Variants in TP73 observed in about 807,000 individuals in gnomAD.
TP73 encodes the protein p53-like transcription factor.
A neutral mutation model predicts 62.5 loss-of-function variants in TP73; 25 were observed. The observed-to-expected ratio is 0.40, with a 90% confidence interval of 0.29 to 0.56. The LOEUF (loss-of-function observed/expected upper bound fraction) is 0.56. TP73 is among the 20% of genes least tolerant of loss of function. The pLI, the probability that TP73 is intolerant of heterozygous loss-of-function variation, is 0.46. For synonymous variants in TP73, 423 were observed against 377.5 expected (o/e 1.12, Z -1.40); for missense variants, 754 against 913.3 (o/e 0.83, Z 2.25).
At chr1:3,705,301 C>T (rs1639533984) in intron 3 of TP73, among the ~76,000 whole-genome samples, 1 of 152,242 alleles carries the variant, frequency 6.6e-6, no homozygotes, top group Non-Finnish European at 1.5e-5. Context: ...TTTCTTTATC[C>T]ATTTGCCATT....
intron 3 of TP73, 49 bp from the exon 4 acceptor site, chr1:3,707,500 C>T (rs778900264): frequency 7.6e-6 from 12 of 1,577,222 alleles, no homozygotes; most frequent in African/African-American, 5.4e-5. Context: ...CGGGACAGGA[C>T]GACTGACTGT....
chr1:3,709,779 GTC>G (rs1639979287), intron 4 of TP73, among the ~76,000 whole-genome samples: 1 of 152,218 alleles, frequency 6.6e-6, no homozygotes, highest in South Asian at 2.1e-4. Context: ...TCTGGAGAGT[GTC>G]TCCCTGGAGT....
At chr1:3,654,321 G>A (rs1322161974) in intron 1 of TP73, among the ~76,000 whole-genome samples, 2 of 152,192 alleles carry the variant, frequency 1.3e-5, no homozygotes, top group Non-Finnish European at 2.9e-5. Flanking sequence ...GAATGGCTCG[G>A]GATGTGAGCC....
At chr1:3,652,917 G>C (rs1644786675) in intron 1 of TP73, among the ~76,000 whole-genome samples, 1 of 152,194 alleles carries the variant, frequency 6.6e-6, no homozygotes, top group Non-Finnish European at 1.5e-5. Flanking sequence ...AGACAGCCCC[G>C]CAGGGGTTCC....
chr1:3,679,811 C>T (rs1557502514), intron 1 of TP73, among the ~76,000 whole-genome samples: 1 of 75,128 alleles, frequency 1.3e-5, no homozygotes, highest in African/African-American at 5.4e-5. Flanking sequence ...CCCTGTCTCT[C>T]TGTCTCTGTC....
chr1:3,698,199 CAGG>C, intron 3 of TP73: 1 of 887,386 alleles, frequency 1.1e-6, no homozygotes, highest in Non-Finnish European at 1.4e-6. Flanking sequence ...TGCAAGGACA[CAGG>C]ATGTCAGGGC....
intron 6 of TP73, among the ~76,000 whole-genome samples, chr1:3,725,161 C>T (rs143802891): frequency 1.3e-4 from 20 of 152,198 alleles, no homozygotes; most frequent in South Asian, 6.2e-4. Context: ...GCAACACACA[C>T]GTAGGGCCAC....
rs1313106660 is a variant in TP73 at position 3,701,893 on chromosome 1, G to T, written c.187-5656G>T. 6.6e-6 allele frequency among the ~76,000 whole-genome samples: 1 copy of T among 152,216 alleles called. No homozygotes were observed. The stretch of plus-strand genomic sequence containing the variant: ...AGCGATGGGCCAGGTTACACAGGTG[G>T]AGCTGAGACTTGGCCCCAGGACTCC... On this transcript the variant is annotated intron_variant, in intron 3 of 13. Coordinates refer to ENST00000378295, the MANE Select transcript of TP73 (RefSeq NM_005427.4). The surrounding 1 kb of genome is among the most constrained non-coding windows in gnomAD (Gnocchi z 4.7).
chr1:3,709,061 G>A (rs1427919094), intron 4 of TP73, among the ~76,000 whole-genome samples: 2 of 152,252 alleles, frequency 1.3e-5, no homozygotes, highest in African/African-American at 2.4e-5. Context: ...GGGCCGAGGG[G>A]CAGGGCGGAG....
chr1:3,723,577 GCCT>G, intron 6 of TP73, 108 bp downstream of exon 6: 1 of 772,396 alleles, frequency 1.3e-6, no homozygotes, highest in Non-Finnish European at 2.2e-6. Flanking sequence ...TGATCTGCCT[GCCT>G]GTCCTGTCGG....
chr1:3,728,309 G>A, intron 9 of TP73, 92 bp downstream of exon 9: 1 of 1,357,076 alleles, frequency 7.4e-7, no homozygotes, highest in Admixed American at 1.9e-5. Context: ...GGACTCTGGA[G>A]ACCATGGTGG....
At chr1:3,712,017 A>C (rs1640194439) in intron 4 of TP73, among the ~76,000 whole-genome samples, 1 of 152,172 alleles carries the variant, frequency 6.6e-6, no homozygotes, top group African/African-American at 2.4e-5. Context: ...CTGAGTCAAC[A>C]CTAATGGGTC....
At chr1:3,726,250 A>T (rs1199470317) in intron 6 of TP73, among the ~76,000 whole-genome samples, 1 of 63,902 alleles carries the variant, frequency 1.6e-5, no homozygotes, top group African/African-American at 7.6e-5. Context: ...GGATGGATGG[A>T]TGAGGTGGGT....
chr1:3,697,762 G>C (rs1334147617), intron 3 of TP73, among the ~76,000 whole-genome samples: 2 of 152,238 alleles, frequency 1.3e-5, no homozygotes, highest in African/African-American at 4.8e-5. Flanking sequence ...TCACTCCTGA[G>C]CCCACTAACT....
Position 3,688,488 on chromosome 1 carries a change from CT to C in TP73, c.186+5309del, listed in dbSNP as rs374024735. On this transcript the variant is annotated intron_variant, in intron 3 of 13. Coordinates refer to ENST00000378295, the MANE Select transcript of TP73 (RefSeq NM_005427.4). The stretch of plus-strand genomic sequence containing the variant: ...TGGCCTGCGGCAGCGTCGTTCCCCC[CT>C]GTCCTGCGGCCCAGGGTCCTGCGGA... Among the ~76,000 whole-genome samples the C allele has an allele frequency of 1.2e-3, 185 of 152,342 alleles. 1 individual carries two copies. The highest frequency in any genetic ancestry group is 3.8e-3 in the African/African-American group (156 of 41,578).
chr1:3,728,304 CTG>C (rs1160633919), intron 9 of TP73, 87 bp downstream of exon 9: 2 of 1,397,962 alleles, frequency 1.4e-6, no homozygotes, highest in South Asian at 2.5e-5. Context: ...GGGAGGGACT[CTG>C]GAGACCATGG....
chr1:3,713,681 A>G (rs1640350452), intron 4 of TP73, among the ~76,000 whole-genome samples: 1 of 152,200 alleles, frequency 6.6e-6, no homozygotes, highest in South Asian at 2.1e-4. Flanking sequence ...AGCGACCTCC[A>G]GACCTTCTGT....
chr1:3,702,903 C>T (rs1419035349), intron 3 of TP73, among the ~76,000 whole-genome samples: 2 of 152,238 alleles, frequency 1.3e-5, no homozygotes, highest in Non-Finnish European at 2.9e-5. Flanking sequence ...TGGGAGACCC[C>T]GGGCTCCTGT....
At chr1:3,656,171 T>A (rs1644861694) in intron 1 of TP73, among the ~76,000 whole-genome samples, 1 of 144,742 alleles carries the variant, frequency 6.9e-6, no homozygotes, top group South Asian at 2.1e-4. Context: ...CGAGACTACG[T>A]CTCAAAAAAA....
Sources: allele counts gnomAD v4.1 joint callset (sites outside exome capture counted in the v4.1 genomes callset), GRCh38; gene constraint gnomAD v4.1.1; non-coding constraint Gnocchi (gnomAD v3.1); transcripts MANE v1.5; gene names NCBI Gene and HGNC (gene_info 2026-07-23, HGNC 2026-07-21).